STYK1: variants seen among roughly 807,000 people sequenced by gnomAD.
STYK1 encodes tyrosine-protein kinase STYK1.
STYK1 carries 46 observed loss-of-function variants against 48.1 expected under a neutral mutation model. The ratio of observed to expected loss-of-function variants is 0.96; its 90% CI spans 0.75 to 1.22. STYK1 has a LOEUF of 1.22. STYK1 is among the 50% of genes most tolerant of loss of function. The pLI, the probability that STYK1 is intolerant of heterozygous loss-of-function variation, is 0.00. For missense variants in STYK1, 527 were observed against 521.1 expected, an observed-to-expected ratio of 1.01 and a Z score of -0.11; for synonymous variants, 188 against 189.0, an observed-to-expected ratio of 0.99 and a Z score of 0.04.
At chr12:10,656,196 G>T (rs1375942203) in intron 1 of STYK1, among the ~76,000 whole-genome samples, 1 of 152,200 alleles carries the variant, frequency 6.6e-6, no homozygotes, top group African/African-American at 2.4e-5. Flanking sequence ...ACAGGCAAAA[G>T]ACATGGCTTT....
At chr12:10,651,249 C>A (rs549725331) in intron 1 of STYK1, among the ~76,000 whole-genome samples, 1 of 152,200 alleles carries the variant, frequency 6.6e-6, no homozygotes, top group East Asian at 1.9e-4. Context: ...TCCTTATGGT[C>A]TTTTATATCT....
chr12:10,659,527 A>C (rs1309514477), intron 1 of STYK1, among the ~76,000 whole-genome samples: 1 of 152,128 alleles, frequency 6.6e-6, no homozygotes, highest in Non-Finnish European at 1.5e-5. Context: ...TTGTCTATGT[A>C]GTCCCTGTAC....
intron 3 of STYK1, 104 bp from the exon 4 acceptor site, chr12:10,634,228 G>A (rs1947461435): frequency 7.4e-7 from 1 of 1,343,130 alleles, no homozygotes; most frequent in African/African-American, 1.5e-5. Flanking sequence ...TACATGAAAA[G>A]GTCATCTCTT....
chr12:10,651,279 T>A (rs1947660179), intron 1 of STYK1, among the ~76,000 whole-genome samples: 1 of 152,192 alleles, frequency 6.6e-6, no homozygotes, highest in African/African-American at 2.4e-5. Flanking sequence ...AAGGCATATT[T>A]ATTATTCAGA....
chr12:10,636,932 C>A (rs1045942905), intron 2 of STYK1, 139 bp downstream of exon 2: 1 of 152,210 alleles, frequency 6.6e-6, no homozygotes, highest in Admixed American at 6.5e-5. Flanking sequence ...CGTGTACCCC[C>A]ACATGGGCAC....
At chr12:10,646,832 T>C (rs1366937185) in intron 1 of STYK1, among the ~76,000 whole-genome samples, 1 of 152,200 alleles carries the variant, frequency 6.6e-6, no homozygotes, top group African/African-American at 2.4e-5. Flanking sequence ...CTGCTCCAGC[T>C]GTGACTAAAA....
At chr12:10,630,902 T>A in intron 5 of STYK1, 143 bp downstream of exon 5, 1 of 1,084,110 alleles carries the variant, frequency 9.2e-7, no homozygotes, top group Non-Finnish European at 1.3e-6. Context: ...AAGAAAAACA[T>A]TTCTGCCTCA....
At chr12:10,666,125 G>T (rs920026565) in intron 1 of STYK1, among the ~76,000 whole-genome samples, 1 of 152,172 alleles carries the variant, frequency 6.6e-6, no homozygotes, top group Non-Finnish European at 1.5e-5. Context: ...GGCTGAAGAG[G>T]TGTCAAAGAG....
intron 1 of STYK1, among the ~76,000 whole-genome samples, chr12:10,668,431 A>G (rs1328189247): frequency 6.7e-6 from 1 of 149,560 alleles, no homozygotes; most frequent in Non-Finnish European, 1.5e-5. Context: ...GCTGGAGTGC[A>G]GTGGTACGAT....
At chr12:10,642,751 C>T (rs894533094) in intron 1 of STYK1, among the ~76,000 whole-genome samples, 1 of 152,050 alleles carries the variant, frequency 6.6e-6, no homozygotes, top group Non-Finnish European at 1.5e-5. Context: ...GTACAGCTGC[C>T]AGTAGATATC....
intron 2 of STYK1, among the ~76,000 whole-genome samples, chr12:10,636,456 C>T (rs1358544193): frequency 6.6e-6 from 1 of 152,090 alleles, no homozygotes; most frequent in African/African-American, 2.4e-5. Context: ...TAGCAAAGTC[C>T]ACTGTATCCA....
chr12:10,660,734 A>G (rs1053811365), intron 1 of STYK1, among the ~76,000 whole-genome samples: 11 of 152,224 alleles, frequency 7.2e-5, no homozygotes, highest in Non-Finnish European at 1.5e-4. Flanking sequence ...TACACTAATT[A>G]TAATGTATTA....
At chr12:10,663,714 A>C (rs549224663) in intron 1 of STYK1, among the ~76,000 whole-genome samples, 12 of 148,898 alleles carry the variant, frequency 8.1e-5, no homozygotes, top group African/African-American at 2.9e-4. Flanking sequence ...CGTTCTCATA[A>C]ATTTTAGAAT....
rs1565558443 is a variant in STYK1 at position 10,624,655 on chromosome 12, C to T, written c.922G>A (p.Asp308Asn). ...GAGTCCAGGAATAAACCGTACACAT[C>T]TGCTCTGATGCTAGCAGGTCTCAGG... Reference protein sequence around the residue: ...LLLRPASIRADVWSFGILLYE... With the variant: ...LLLRPASIRANVWSFGILLYE... The change falls in exon 8 of 11, where the codon GAT becomes AAT. Residue 308 changes from aspartate (D) to asparagine (N), a missense_variant. Transcript: ENST00000075503. 1 of 1,613,956 alleles carries T rather than the reference C, an allele frequency of 6.2e-7. No individual in the cohort carries two copies. Among genetic ancestry groups the T allele is most frequent in the East Asian group, 2.2e-5 (1 of 44,872 alleles).
chr12:10,652,623 G>A (rs1947674080), intron 1 of STYK1, among the ~76,000 whole-genome samples: 1 of 152,070 alleles, frequency 6.6e-6, no homozygotes, highest in South Asian at 2.1e-4. Context: ...AATCCTTCAG[G>A]CTTTGGTATT....
intron 1 of STYK1, among the ~76,000 whole-genome samples, chr12:10,644,995 G>A (rs1947583977): frequency 6.6e-6 from 1 of 152,126 alleles, no homozygotes; most frequent in Non-Finnish European, 1.5e-5. Flanking sequence ...AGAATCCATG[G>A]AGTTCCAACG....
At chr12:10,643,293 C>T (rs548909307) in intron 1 of STYK1, among the ~76,000 whole-genome samples, 15 of 152,316 alleles carry the variant, frequency 9.8e-5, no homozygotes, top group African/African-American at 2.6e-4. Context: ...CAGATAAATG[C>T]AACCACAATG....
intron 6 of STYK1, among the ~76,000 whole-genome samples, chr12:10,629,195 C>A (rs1947392533): frequency 1.3e-5 from 2 of 152,282 alleles, no homozygotes; most frequent in South Asian, 4.2e-4. Flanking sequence ...CCACCTGTGG[C>A]TATTTAAACT....
chr12:10,634,758 A>T (rs1226760016), intron 2 of STYK1, 72 bp from the exon 3 acceptor site: 2 of 908,992 alleles, frequency 2.2e-6, no homozygotes, highest in East Asian at 5.3e-5. Flanking sequence ...ACAGAATTTT[A>T]AACCGCCTCT....
Sources: gnomAD v4.1 joint callset for allele counts (sites outside exome capture counted in the v4.1 genomes callset) on GRCh38, gnomAD v4.1.1 for gene constraint, MANE v1.5 for transcripts, NCBI Gene and HGNC (gene_info 2026-07-23, HGNC 2026-07-21) for gene names.